Variants in KLHL1 observed in about 807,000 individuals in gnomAD.
The protein encoded by KLHL1 is kelch-like protein 1.
A neutral mutation model predicts 77.7 loss-of-function variants in KLHL1; 47 were observed. The ratio of observed to expected loss-of-function variants is 0.60; its 90% CI spans 0.48 to 0.77. The LOEUF is 0.77. KLHL1 is among the 30% of genes least tolerant of loss of function. The pLI, the probability that KLHL1 is intolerant of heterozygous loss-of-function variation, is 0.00. For missense variants in KLHL1, 925 were observed against 910.8 expected (o/e 1.02, Z -0.20); for synonymous variants, 360 against 325.2 (o/e 1.11, Z -1.15).
chr13:69,746,877 C>G (rs753514867), intron 7 of KLHL1, among the ~76,000 whole-genome samples: 6 of 151,980 alleles, frequency 3.9e-5, no homozygotes, highest in Non-Finnish European at 7.4e-5. Context: ...CTAGGGAATT[C>G]CTTCCTTTCT....
At chr13:69,941,928 C>T (rs1883376922) in intron 3 of KLHL1, among the ~76,000 whole-genome samples, 1 of 151,854 alleles carries the variant, frequency 6.6e-6, no homozygotes, top group Admixed American at 6.6e-5. Context: ...AATAAAAACT[C>T]TGAACAATCA....
chr13:69,821,224 T>A (rs1878323157), intron 6 of KLHL1, among the ~76,000 whole-genome samples: 1 of 152,184 alleles, frequency 6.6e-6, no homozygotes. Flanking sequence ...GCTTTTAAAA[T>A]ATCCATAAAT....
intron 6 of KLHL1, among the ~76,000 whole-genome samples, chr13:69,813,687 T>C (rs1877997543): frequency 6.6e-6 from 1 of 151,984 alleles, no homozygotes; most frequent in African/African-American, 2.4e-5. Flanking sequence ...GGAATAAATA[T>C]AACCAAGGAG....
chr13:69,822,024 C>T (rs1429696904), intron 6 of KLHL1, among the ~76,000 whole-genome samples: 2 of 151,774 alleles, frequency 1.3e-5, no homozygotes, highest in East Asian at 3.9e-4. Context: ...ATGGTGAAAC[C>T]CCATCTCTAC....
intron 1 of KLHL1, among the ~76,000 whole-genome samples, chr13:69,980,741 T>C (rs977190860): frequency 7.2e-5 from 11 of 152,134 alleles, no homozygotes; most frequent in African/African-American, 2.2e-4. Context: ...GTATATTGTG[T>C]GGTGCTGAGG....
intron 6 of KLHL1, among the ~76,000 whole-genome samples, chr13:69,800,877 A>G (rs759446589): frequency 5.3e-5 from 8 of 152,204 alleles, no homozygotes; most frequent in Non-Finnish European, 1.0e-4. Flanking sequence ...AACAGAATAC[A>G]AGTTAGAGTG....
At chr13:69,765,030 C>A (rs144972318) in intron 7 of KLHL1, among the ~76,000 whole-genome samples, 1 of 141,220 alleles carries the variant, frequency 7.1e-6, no homozygotes, top group Non-Finnish European at 1.5e-5. Flanking sequence ...CAGCTCACTG[C>A]AGCCTCCACC....
At chr13:69,957,566 A>G (rs1009513303) in intron 3 of KLHL1, among the ~76,000 whole-genome samples, 2 of 151,772 alleles carry the variant, frequency 1.3e-5, no homozygotes, top group African/African-American at 4.8e-5. Flanking sequence ...GTCTTTTTCT[A>G]ATATACACCG....
intron 1 of KLHL1, among the ~76,000 whole-genome samples, chr13:70,084,740 G>T (rs1887491124): frequency 6.8e-6 from 1 of 146,466 alleles, no homozygotes; most frequent in African/African-American, 2.5e-5. Context: ...CTCCCAAAGT[G>T]CTGGAATTAC....
intron 5 of KLHL1, among the ~76,000 whole-genome samples, chr13:69,880,254 A>ATTCC (rs1880936823): frequency 6.6e-6 from 1 of 152,184 alleles, no homozygotes; most frequent in African/African-American, 2.4e-5. Flanking sequence ...AATATTAGAA[A>ATTCC]TATATGTAAT....
chr13:70,014,035 A>G (rs1885599939), intron 1 of KLHL1, among the ~76,000 whole-genome samples: 1 of 152,166 alleles, frequency 6.6e-6, no homozygotes, highest in African/African-American at 2.4e-5. Context: ...CAGAGAAAAT[A>G]TATTCAATTT....
chr13:69,823,073 C>T (rs757531775), intron 6 of KLHL1, among the ~76,000 whole-genome samples: 22 of 152,088 alleles, frequency 1.4e-4, no homozygotes, highest in African/African-American at 5.1e-4. Flanking sequence ...GCCTCACCTC[C>T]GATGGATAGA....
At chr13:69,812,659 T>G (rs1006621022) in intron 6 of KLHL1, among the ~76,000 whole-genome samples, 1 of 151,548 alleles carries the variant, frequency 6.6e-6, no homozygotes, top group African/African-American at 2.4e-5. Flanking sequence ...AGTGGGCAAA[T>G]GATATGAACA....
intron 6 of KLHL1, among the ~76,000 whole-genome samples, chr13:69,811,255 C>A (rs2138062383): frequency 6.6e-6 from 1 of 152,132 alleles, no homozygotes. Context: ...GAATCCAGCA[C>A]CAGACCCAAA....
At chr13:69,973,477 A>G (rs1884455469) in intron 2 of KLHL1, among the ~76,000 whole-genome samples, 1 of 151,642 alleles carries the variant, frequency 6.6e-6, no homozygotes, top group African/African-American at 2.4e-5. Flanking sequence ...ATTATTTGAT[A>G]TTATTATAAT....
At chr13:69,823,135 T>C (rs1566293762) in intron 6 of KLHL1, among the ~76,000 whole-genome samples, 1 of 152,124 alleles carries the variant, frequency 6.6e-6, no homozygotes, top group Non-Finnish European at 1.5e-5. Context: ...TCATAATATT[T>C]CAAAGTAAGG....
In KLHL1 at chr13:69,775,813, G is replaced by A. The variant is rs113606724; in HGVS notation, c.1639+20925C>T. On this transcript the variant is annotated intron_variant, in intron 7 of 10. Coordinates refer to ENST00000377844, the MANE Select transcript of KLHL1 (RefSeq NM_020866.3). ...TCAAGCAATTCTCCTTCCACGTCAC[G>A]GAAAGGGGCTCTCCCAATTTTAGGT... Among the ~76,000 whole-genome samples the A allele has an allele frequency of 1.3e-4, 20 of 151,602 alleles. 1 individual carries two copies. The highest frequency in any genetic ancestry group is 4.8e-4 in the African/African-American group (20 of 41,348).
chr13:69,857,753 A>T (rs1879978117), intron 5 of KLHL1, among the ~76,000 whole-genome samples: 1 of 151,986 alleles, frequency 6.6e-6, no homozygotes, highest in Admixed American at 6.6e-5. Context: ...ATATAATTTT[A>T]ATATTTGGAA....
chr13:70,068,311 A>C (rs1887060962), intron 1 of KLHL1, among the ~76,000 whole-genome samples: 1 of 152,096 alleles, frequency 6.6e-6, no homozygotes, highest in South Asian at 2.1e-4. Context: ...ACTGCACTCC[A>C]GCCTGGGCGA....
Sources: allele counts gnomAD v4.1 joint callset (sites outside exome capture counted in the v4.1 genomes callset), GRCh38; gene constraint gnomAD v4.1.1; transcripts MANE v1.5; gene names NCBI Gene and HGNC (gene_info 2026-07-23, HGNC 2026-07-21).